The following IL6R variants were observed in gnomAD, a reference collection of about 807,000 sequenced individuals.
The protein encoded by IL6R is interleukin-6 receptor subunit alpha.
Under a neutral mutation model 48.3 loss-of-function variants are expected in IL6R, and 38 were observed. That is an observed-to-expected ratio of 0.79 (90% CI 0.61 to 1.03). The LOEUF (loss-of-function observed/expected upper bound fraction) is 1.03. Among genes scored for constraint, IL6R ranks in the 50% least tolerant of loss-of-function variants. The pLI is 0.00. For missense variants in IL6R, 534 were observed against 618.3 expected, an observed-to-expected ratio of 0.86 and a Z score of 1.45; for synonymous variants, 264 against 256.2, an observed-to-expected ratio of 1.03 and a Z score of -0.29.
At chr1:154,444,733 C>CA (rs992077161) in intron 6 of IL6R, among the ~76,000 whole-genome samples, 9 of 151,360 alleles carry the variant, frequency 5.9e-5, no homozygotes, top group Admixed American at 1.3e-4. Flanking sequence ...CCTGTCTTTA[C>CA]AAAAAAAAGT....
chr1:154,449,260 A>C (rs1690454212), intron 7 of IL6R, among the ~76,000 whole-genome samples: 1 of 151,190 alleles, frequency 6.6e-6, no homozygotes, highest in South Asian at 2.1e-4. Context: ...CACACCTGTA[A>C]TCCCAGCACT....
Position 154,405,529 on chromosome 1 carries a change from G to GA in IL6R, c.-101_-100insA. On this transcript the variant is annotated 5_prime_UTR_variant, in exon 1 of 10. Transcript: ENST00000368485. The surrounding 1 kb of genome is among the most constrained non-coding windows in gnomAD (Gnocchi z 5.2). ...CTGCCCCCGGGGCCTGAGCCCGCCT[G>GA]CCCGCCCACCGCCCCGCCCCGCCCC... 1.0e-5 allele frequency: 4 copies of GA among 388,508 alleles called. No individual in the cohort carries two copies. The highest frequency in any genetic ancestry group is 1.9e-5 in the Non-Finnish European group (4 of 214,592). The allele number at this position is 388,508 out of a possible 1,614,324, so 24.1% of individuals were successfully genotyped here. A position where few individuals can be genotyped will look rare whatever the true frequency, so the allele number is the denominator to read the frequency against.
chr1:154,446,287 C>T (rs972387999), intron 6 of IL6R, among the ~76,000 whole-genome samples: 1 of 152,136 alleles, frequency 6.6e-6, no homozygotes, highest in African/African-American at 2.4e-5. Context: ...CCTCTGTTTC[C>T]CCTCTGTACA....
chr1:154,461,564 A>G (rs1159089480), intron 9 of IL6R, among the ~76,000 whole-genome samples: 2 of 152,228 alleles, frequency 1.3e-5, no homozygotes, highest in Non-Finnish European at 2.9e-5. Flanking sequence ...TTCCTAGGTT[A>G]TATTAGTAAT....
intron 6 of IL6R, chr1:154,437,604 G>T (rs1029096709): frequency 3.0e-5 from 10 of 338,552 alleles, no homozygotes; most frequent in Non-Finnish European, 5.0e-5. Context: ...TAGAGACAGG[G>T]TTTCACCATG....
In IL6R at chr1:154,429,210, G is replaced by T; in HGVS notation, c.100G>T (p.Val34Leu). The change falls in exon 2 of 10, where the codon GTG (valine) becomes TTG (leucine). Residue 34 changes from valine (V) to leucine (L), a missense_variant. Physicochemically the swap from Val to Leu is conservative, Grantham distance 32. Transcript: ENST00000368485. The stretch of plus-strand genomic sequence containing the variant: ...CCCTCCTCCAGAGGTGGCGAGAGGC[G>T]TGCTGACCAGTCTGCCAGGAGACAG... ...RCPAQEVARG[V>L]LTSLPGDSVT... The T allele has an allele frequency of 6.2e-7, 1 of 1,612,950 alleles. No individual in the cohort carries two copies. Among genetic ancestry groups the T allele is most frequent in the South Asian group, 1.1e-5 (1 of 91,060 alleles).
intron 9 of IL6R, among the ~76,000 whole-genome samples, chr1:154,463,057 G>T (rs1359082027): frequency 6.6e-6 from 1 of 152,040 alleles, no homozygotes. Context: ...ACCCACCTTG[G>T]CCTCCCAAAG....
rs976880342 is a variant in IL6R, at chr1:154,418,792, G to C, written c.86-10404G>C. Among the ~76,000 whole-genome samples, 7 of 152,248 alleles carry C rather than the reference G, an allele frequency of 4.6e-5. No individual in the cohort carries two copies. The East Asian group carries it at 9.7e-4, about 21-fold the overall frequency. The stretch of plus-strand genomic sequence containing the variant: ...CTCATCCTATACACGCTGCGGCTGT[G>C]GGGGAAGGGAGAGAAAGGCCAAGGG... On this transcript the variant is annotated intron_variant, in intron 1 of 9. Coordinates refer to ENST00000368485, the MANE Select transcript of IL6R (RefSeq NM_000565.4).
chr1:154,458,017 A>C (rs1024709730), intron 9 of IL6R, among the ~76,000 whole-genome samples: 1 of 133,362 alleles, frequency 7.5e-6, no homozygotes, highest in African/African-American at 2.9e-5. Flanking sequence ...CCCAGGCTGG[A>C]GTGCAGTGGC....
At chr1:154,431,575 G>T (rs1689298901) in intron 3 of IL6R, among the ~76,000 whole-genome samples, 1 of 152,124 alleles carries the variant, frequency 6.6e-6, no homozygotes. Context: ...ATGTGAATGT[G>T]GTCTCTCTGT....
intron 1 of IL6R, among the ~76,000 whole-genome samples, chr1:154,413,768 A>C (rs1431738619): frequency 1.6e-5 from 2 of 124,486 alleles, no homozygotes; most frequent in African/African-American, 6.1e-5. Flanking sequence ...GTCATACATG[A>C]CTTTTTTTTT....
chr1:154,436,154 C>T, intron 6 of IL6R, 44 bp downstream of exon 6: 1 of 1,563,050 alleles, frequency 6.4e-7, no homozygotes, highest in East Asian at 2.3e-5. Context: ...TTTCAACTGT[C>T]ATTGCATCAG....
chr1:154,414,683 A>G, intron 1 of IL6R: 1 of 856,280 alleles, frequency 1.2e-6, no homozygotes, highest in Non-Finnish European at 2.0e-6. Flanking sequence ...TTGGCCAGGA[A>G]CACTTTGTTG....
chr1:154,428,744 T>A (rs1689114718), intron 1 of IL6R, among the ~76,000 whole-genome samples: 1 of 152,018 alleles, frequency 6.6e-6, no homozygotes, highest in Non-Finnish European at 1.5e-5. Flanking sequence ...CCGGAAACGA[T>A]GTTTAGGCCG....
chr1:154,426,532 AAAAG>A (rs1214480257), intron 1 of IL6R, among the ~76,000 whole-genome samples: 17 of 151,866 alleles, frequency 1.1e-4, no homozygotes, highest in African/African-American at 3.9e-4. Context: ...AAAAAAAAAA[AAAAG>A]AAAGAAAAGA....
intron 3 of IL6R, 47 bp from the exon 4 acceptor site, chr1:154,434,472 T>A: frequency 6.4e-7 from 1 of 1,553,112 alleles, no homozygotes; most frequent in Non-Finnish European, 8.8e-7. Context: ...GTCTTGAGTC[T>A]GTGCGAAACT....
At chr1:154,425,747 C>T (rs936045160) in intron 1 of IL6R, among the ~76,000 whole-genome samples, 2 of 150,858 alleles carry the variant, frequency 1.3e-5, no homozygotes, top group Non-Finnish European at 2.9e-5. Flanking sequence ...GTACTTCAGC[C>T]TGAGTGACAG....
intron 9 of IL6R, among the ~76,000 whole-genome samples, chr1:154,458,265 C>G (rs1026112933): frequency 6.6e-6 from 1 of 152,040 alleles, no homozygotes; most frequent in African/African-American, 2.4e-5. Context: ...CCACCGTGCC[C>G]GGCCTTCACT....
intron 8 of IL6R, among the ~76,000 whole-genome samples, chr1:154,452,627 C>T (rs2149266783): frequency 6.7e-6 from 1 of 150,356 alleles, no homozygotes; most frequent in East Asian, 2.0e-4. Context: ...GTCAGGAGAT[C>T]AGGACCATCC....
Sources: allele counts gnomAD v4.1 joint callset (sites outside exome capture counted in the v4.1 genomes callset), GRCh38; gene constraint gnomAD v4.1.1; non-coding constraint Gnocchi (gnomAD v3.1); transcripts MANE v1.5; gene names NCBI Gene and HGNC (gene_info 2026-07-23, HGNC 2026-07-21).